The following WWP2 variants were observed in gnomAD, a reference collection of about 807,000 sequenced individuals.
WWP2 encodes the protein WW domain containing E3 ubiquitin protein ligase 2, also known as NEDD4-like E3 ubiquitin-protein ligase WWP2.
WWP2 carries 57 observed loss-of-function variants against 121.0 expected under a neutral mutation model. The observed-to-expected ratio is 0.47, with a 90% CI of 0.38 to 0.59. The LOEUF (loss-of-function observed/expected upper bound fraction) is 0.59, where lower values mean the gene tolerates loss of function less well. WWP2 is among the 20% of genes least tolerant of loss of function. The probability of loss-of-function intolerance (pLI) is 0.00; values close to 1 mark genes in which losing one functional copy is unlikely to be tolerated. For missense variants in WWP2, 962 were observed against 1,158.9 expected (o/e 0.83, Z 2.47); for synonymous variants, 449 against 441.3 (o/e 1.02, Z -0.22).
chr16:69,899,499 G>C (rs1205904221), intron 8 of WWP2, among the ~76,000 whole-genome samples: 1 of 152,092 alleles, frequency 6.6e-6, no homozygotes, highest in East Asian at 1.9e-4. Context: ...CGAGGCCGAG[G>C]CAGGTGGATC....
chr16:69,857,764 T>G (rs547639108), intron 6 of WWP2, among the ~76,000 whole-genome samples: 72 of 149,508 alleles, frequency 4.8e-4, no homozygotes, highest in Middle Eastern at 3.4e-3. Context: ...CAGGCTCAAG[T>G]GATCTTCCCA....
chr16:69,881,517 T>C (rs2057829412), intron 7 of WWP2, among the ~76,000 whole-genome samples: 1 of 152,202 alleles, frequency 6.6e-6, no homozygotes, highest in South Asian at 2.1e-4. Context: ...GTCTGGAGTT[T>C]AGTTAATAGT....
chr16:69,930,545 A>T (rs1198685315), intron 13 of WWP2, among the ~76,000 whole-genome samples: 1 of 152,140 alleles, frequency 6.6e-6, no homozygotes, highest in Non-Finnish European at 1.5e-5. Flanking sequence ...AAAAAAAATT[A>T]AAAATTAGCT....
At chr16:69,863,013 C>A (rs1050521783) in intron 6 of WWP2, among the ~76,000 whole-genome samples, 2 of 152,014 alleles carry the variant, frequency 1.3e-5, no homozygotes, top group African/African-American at 4.8e-5. Context: ...AGGTGTGAGC[C>A]GCCACCCCCG....
In WWP2 at chr16:69,799,415, G is replaced by C. The variant is rs1488307098; in HGVS notation, c.340+120G>C. 1 of 1,381,926 alleles carries C rather than the reference G, an allele frequency of 7.2e-7. No homozygotes were observed. The highest frequency in any genetic ancestry group is 9.6e-7 in the Non-Finnish European group (1 of 1,040,118). The allele number at this position is 1,381,926 out of a possible 1,614,324, so 85.6% of individuals were successfully genotyped here. Reference sequence around the variant, plus strand: ...GGGCTGCAGTACCTCTGTTCTCCTTGGATGCTGTCTTTGGAGTTTTGGGAA... The same window carrying C: ...GGGCTGCAGTACCTCTGTTCTCCTTCGATGCTGTCTTTGGAGTTTTGGGAA... On this transcript the variant is annotated intron_variant, in intron 4 of 23. Coordinates refer to ENST00000359154, the MANE Select transcript of WWP2 (RefSeq NM_001270454.2). This position sits in a 1 kb window ranked among gnomAD's most constrained non-coding sequence, Gnocchi z 4.5.
At chr16:69,878,952 G>A (rs970978140) in intron 7 of WWP2, among the ~76,000 whole-genome samples, 8 of 152,042 alleles carry the variant, frequency 5.3e-5, no homozygotes, top group Admixed American at 4.6e-4. Flanking sequence ...TTCATAAAGT[G>A]GTATATGAGG....
rs200950554 is a variant in WWP2 at position 69,931,498 on chromosome 16, T to G, written c.1522-11T>G. 6.2e-7 allele frequency: 1 copy of G among 1,613,480 alleles called. No individual in the cohort carries two copies. The highest frequency in any genetic ancestry group is 1.1e-5 in the South Asian group (1 of 90,984). ...GCTCGATTTAAAGTTCTTTTCTTTT[T>G]TTTTTTTCAGTCAAATGCCCTACCT... On this transcript the variant is annotated splice_polypyrimidine_tract_variant and intron_variant, in intron 14 of 23. Coordinates refer to ENST00000359154, the MANE Select transcript of WWP2 (RefSeq NM_001270454.2).
chr16:69,768,078 C>T (rs1228840736), intron 1 of WWP2, among the ~76,000 whole-genome samples: 2 of 152,078 alleles, frequency 1.3e-5, no homozygotes, highest in African/African-American at 2.4e-5. Context: ...CTCAAGTGAT[C>T]CTCCTGCCTC....
chr16:69,885,058 A>C (rs1004375024), intron 7 of WWP2, among the ~76,000 whole-genome samples: 4 of 151,294 alleles, frequency 2.6e-5, no homozygotes, highest in Non-Finnish European at 5.9e-5. Flanking sequence ...AATACTTTAG[A>C]AACTCCCCCT....
At chr16:69,922,805 A>G (rs1019757429) in intron 10 of WWP2, among the ~76,000 whole-genome samples, 24 of 152,324 alleles carry the variant, frequency 1.6e-4, no homozygotes, top group African/African-American at 5.5e-4. Flanking sequence ...CTATTTAACA[A>G]TGAAAAGTAA....
At chr16:69,772,148 A>G (rs149180372) in intron 1 of WWP2, among the ~76,000 whole-genome samples, 1 of 151,628 alleles carries the variant, frequency 6.6e-6, no homozygotes, top group African/African-American at 2.4e-5. Context: ...TTTAGTAAAG[A>G]CAGGGTTTCA....
At chr16:69,775,095 A>G (rs7186296) in intron 1 of WWP2, 76,997 of 152,062 alleles carry the variant, frequency 0.51, 23,019 homozygotes, top group Non-Finnish European at 0.68. Flanking sequence ...TGAAGAGTGG[A>G]CAATCGTGGA....
chr16:69,904,206 A>G (rs1348607240), intron 8 of WWP2, among the ~76,000 whole-genome samples: 1 of 152,184 alleles, frequency 6.6e-6, no homozygotes, highest in Non-Finnish European at 1.5e-5. Context: ...GTATTTGGAG[A>G]ATTGCTGTGA....
intron 8 of WWP2, among the ~76,000 whole-genome samples, chr16:69,890,541 T>C (rs2058006990): frequency 6.6e-6 from 1 of 152,142 alleles, no homozygotes; most frequent in South Asian, 2.1e-4. Context: ...ATGTTATAAT[T>C]TGGGGGGAAC....
At chr16:69,783,618 T>C (rs2055712318) in intron 1 of WWP2, among the ~76,000 whole-genome samples, 1 of 151,640 alleles carries the variant, frequency 6.6e-6, no homozygotes, top group African/African-American at 2.4e-5. Flanking sequence ...CACATACAAA[T>C]AGAATGACAG....
At chr16:69,938,951 C>T (rs910401578) in intron 21 of WWP2, 76 bp from the exon 22 acceptor site, 10 of 1,403,932 alleles carry the variant, frequency 7.1e-6, no homozygotes, top group Non-Finnish European at 9.9e-6. Flanking sequence ...CCCCGCTGAG[C>T]TAGAGAGCTC....
chr16:69,799,762 C>T lies in WWP2; in HGVS notation c.340+467C>T, dbSNP rs547802513. On this transcript the variant is annotated intron_variant, in intron 4 of 23. Coordinates refer to ENST00000359154, the MANE Select transcript of WWP2 (RefSeq NM_001270454.2). This position sits in a 1 kb window ranked among gnomAD's most constrained non-coding sequence, Gnocchi z 4.5. ...TCTGGGATAGTATTACAAATAGTGC[C>T]CTGTGCTTACTCGGCACTCAGTAAA... 6.6e-6 allele frequency among the ~76,000 whole-genome samples: 1 copy of T among 152,210 alleles called. No individual in the cohort carries two copies. Among genetic ancestry groups the T allele is most frequent in the African/African-American group, 2.4e-5 (1 of 41,552 alleles).
rs1555544415 is a variant in WWP2, at chr16:69,778,192, A to ATATAT, written c.-15-8803_-15-8802insATATT. Among the ~76,000 whole-genome samples the ATATAT allele has an allele frequency of 2.3e-3, 287 of 125,612 alleles. 4 individuals are homozygous for ATATAT. The South Asian group carries it at 0.024, about 10-fold the overall frequency. The allele number at this position is 125,612 out of a possible 152,430, so 82.4% of individuals were successfully genotyped here. A position where few individuals can be genotyped will look rare whatever the true frequency, so the allele number is the denominator to read the frequency against. ...TAAATAAATATATATATATATATAT[A>ATATAT]TTTTTTTTTTTTTGAGAAATTTCAA... is the stretch of plus-strand genomic sequence containing the variant. On this transcript the variant is annotated intron_variant, in intron 1 of 23. Transcript: ENST00000359154.
chr16:69,919,557 C>G (rs2058527609), intron 10 of WWP2, among the ~76,000 whole-genome samples: 1 of 152,142 alleles, frequency 6.6e-6, no homozygotes, highest in African/African-American at 2.4e-5. Flanking sequence ...CTGTGGGAAC[C>G]CTCCCAGTTC....
Sources: gnomAD v4.1 joint callset for allele counts (sites outside exome capture counted in the v4.1 genomes callset) on GRCh38, gnomAD v4.1.1 for gene constraint, Gnocchi (gnomAD v3.1) non-coding constraint, MANE v1.5 for transcripts, NCBI Gene and HGNC (gene_info 2026-07-23, HGNC 2026-07-21) for gene names.